Variants in WDR49 observed in about 807,000 individuals in gnomAD.
WDR49 encodes cilia- and flagella-associated protein 337.
WDR49 carries 107 observed loss-of-function variants against 119.5 expected under a neutral mutation model. That is an observed-to-expected ratio of 0.90 (90% CI 0.77 to 1.05). The LOEUF (loss-of-function observed/expected upper bound fraction) is 1.05. WDR49 is among the 50% of genes least tolerant of loss of function. WDR49 has a pLI of 0.00. For synonymous variants in WDR49, 425 were observed against 418.8 expected (o/e 1.01, Z -0.18); for missense variants, 1,240 against 1,220.5 (o/e 1.02, Z -0.24).
chr3:167,571,025 A>C (rs1278501151), intron 8 of WDR49, among the ~76,000 whole-genome samples: 1 of 105,900 alleles, frequency 9.4e-6, no homozygotes, highest in Non-Finnish European at 1.8e-5. Context: ...ACTCCATCTC[A>C]AAAAAAAAAA....
At chr3:167,548,921 C>A (rs1018544580) in intron 10 of WDR49, among the ~76,000 whole-genome samples, 6 of 152,040 alleles carry the variant, frequency 3.9e-5, no homozygotes, top group African/African-American at 9.7e-5. Flanking sequence ...CAATTCCCAC[C>A]TATGAGTGAG....
intron 8 of WDR49, among the ~76,000 whole-genome samples, chr3:167,563,225 G>A (rs970982816): frequency 6.6e-6 from 1 of 151,822 alleles, no homozygotes; most frequent in Admixed American, 6.6e-5. Flanking sequence ...GTGGTGGCGG[G>A]TGCCTGTAGT....
intron 16 of WDR49, among the ~76,000 whole-genome samples, chr3:167,520,799 C>T (rs1752408293): frequency 6.6e-6 from 1 of 151,982 alleles, no homozygotes; most frequent in Non-Finnish European, 1.5e-5. Flanking sequence ...AAGGTAGCTC[C>T]AAAACTGATC....
intron 15 of WDR49, among the ~76,000 whole-genome samples, chr3:167,526,881 C>G (rs1268609991): frequency 6.8e-6 from 1 of 146,518 alleles, no homozygotes; most frequent in African/African-American, 2.5e-5. Flanking sequence ...TAAATAGAAC[C>G]AAATCAGCTG....
In WDR49 at chr3:167,503,882, G is replaced by A. The variant is rs556773388; in HGVS notation, c.2884+1425C>T. ...GCTCGAATGCCTGGGTTTATATCCC[G>A]ATGCTTGTCCCTCCCGCTGTGCTCT... On this transcript the variant is annotated intron_variant, in intron 17 of 18. Transcript: ENST00000682715. Among the ~76,000 whole-genome samples, 14 of 152,364 alleles carry A rather than the reference G, an allele frequency of 9.2e-5. No homozygotes were observed. The South Asian group carries it at 1.2e-3, about 14-fold the overall frequency.
At position 167,617,448 on chromosome 3, in the gene WDR49, C is replaced by G. The variant is rs566088321; in HGVS notation, c.958+2981G>C. Among the ~76,000 whole-genome samples the G allele has an allele frequency of 5.3e-5, 8 of 152,276 alleles. No homozygotes were observed. The South Asian group carries it at 1.5e-3, about 28-fold the overall frequency. On this transcript the variant is annotated intron_variant, in intron 5 of 18. Coordinates refer to ENST00000682715, the MANE Select transcript of WDR49 (RefSeq NM_001366157.1). ...AGGCTGAGGCACAAGAATCGCTGAA[C>G]CTGGGAGGTAGATGTTGCAGTGAGC...
intron 18 of WDR49, among the ~76,000 whole-genome samples, chr3:167,484,689 C>CAA (rs11354730): frequency 7.5e-5 from 9 of 119,406 alleles, no homozygotes; most frequent in South Asian, 2.7e-4. Context: ...AGGATGATGG[C>CAA]AAAAAAAAAA....
rs201698456 is a variant in WDR49 at position 167,602,150 on chromosome 3, G to T, written c.1252C>A (p.Leu418Ile). 291 of 1,600,152 alleles carry T rather than the reference G, an allele frequency of 1.8e-4. No individual in the cohort carries two copies. The highest frequency in any genetic ancestry group is 2.2e-4 in the Non-Finnish European group (261 of 1,170,216). ...ACTTTATCCTTGGAGAAGCTGAAAA[G>T]TTGTTTTCTTTCCACAAAGAATTGG... The part of the protein sequence containing the change: ...AVQFFVERKQ[L>I]FSFSKDKVLR... Residue 418 changes from leucine (L) to isoleucine (I), a missense_variant, in exon 7 of 19, where the codon CTT becomes ATT. By Grantham distance (5) the Leu-to-Ile change is conservative (BLOSUM62 2). Coordinates refer to ENST00000682715, the MANE Select transcript of WDR49 (RefSeq NM_001366157.1).
intron 10 of WDR49, among the ~76,000 whole-genome samples, chr3:167,550,523 G>T (rs924829954): frequency 6.6e-6 from 1 of 151,888 alleles, no homozygotes; most frequent in African/African-American, 2.4e-5. Context: ...CTTTTAAGGA[G>T]ATAAAACCTT....
chr3:167,522,011 TAGATAGA>T (rs10537191), intron 16 of WDR49, among the ~76,000 whole-genome samples: 12,790 of 151,028 alleles, frequency 0.085, 635 homozygotes, highest in Non-Finnish European at 0.11. Context: ...GATAGATAGA[TAGATAGA>T]TTGTTTTTGA....
chr3:167,530,008 C>G (rs1326599203), intron 13 of WDR49, among the ~76,000 whole-genome samples: 1 of 151,964 alleles, frequency 6.6e-6, no homozygotes, highest in Non-Finnish European at 1.5e-5. Flanking sequence ...TGAGAACAAT[C>G]TGGGAATACT....
chr3:167,533,110 T>C, intron 11 of WDR49, 133 bp from the exon 12 acceptor site: 1 of 538,824 alleles, frequency 1.9e-6, no homozygotes, highest in Middle Eastern at 4.1e-4. Flanking sequence ...TCTATATTTT[T>C]AGAAACATGA....
chr3:167,524,554 C>T (rs1028805046), intron 15 of WDR49, among the ~76,000 whole-genome samples: 5 of 152,084 alleles, frequency 3.3e-5, no homozygotes, highest in Non-Finnish European at 5.9e-5. Context: ...ACATTTAAGT[C>T]TTTAATCCAT....
intron 2 of WDR49, among the ~76,000 whole-genome samples, chr3:167,648,301 C>T (rs1442482160): frequency 1.3e-5 from 2 of 152,110 alleles, no homozygotes; most frequent in African/African-American, 2.4e-5. Context: ...TTTTTACCTA[C>T]ACTGATTTCC....
chr3:167,558,634 T>A lies in WDR49; in HGVS notation c.1674+1430A>T, dbSNP rs560728130. ...TCATCCATGTCGCTATGTTTTCCTC[T>A]AAACATGGCTCTTACCAAGTCCACC... is the stretch of plus-strand genomic sequence containing the variant. On this transcript the variant is annotated intron_variant, in intron 9 of 18. Transcript: ENST00000682715. Among the ~76,000 whole-genome samples the A allele has an allele frequency of 3.3e-5, 5 of 152,342 alleles. No individual in the cohort carries two copies. In the South Asian group the frequency reaches 8.3e-4, roughly 25 times the overall value.
Position 167,602,237 on chromosome 3 carries a change from G to A in WDR49, c.1165C>T (p.Pro389Ser), listed in dbSNP as rs1336143503. 2 of 1,594,132 alleles carry A rather than the reference G, an allele frequency of 1.3e-6. No individual in the cohort carries two copies. The highest frequency in any genetic ancestry group is 2.3e-5 in the South Asian group (2 of 88,878). ...CCCACTGGTTTAGAGACAACATAGG[G>A]ATTCCAAAGGCAAACTTTATTGTTA... is the stretch of plus-strand genomic sequence containing the variant. ...GINNKVCLWN[P>S]YVVSKPVGVL... is the part of the protein sequence containing the mutation. Residue 389 changes from proline to serine, a missense_variant, in exon 7 of 19, where the codon CCC becomes TCC. Physicochemically the swap from Pro to Ser is moderately conservative, Grantham distance 74. Transcript: ENST00000682715.
At chr3:167,545,633 G>A (rs1220608074) in intron 10 of WDR49, among the ~76,000 whole-genome samples, 1 of 149,784 alleles carries the variant, frequency 6.7e-6, no homozygotes, top group African/African-American at 2.4e-5. Flanking sequence ...AACATTGTAT[G>A]TTCTCACTTA....
intron 10 of WDR49, among the ~76,000 whole-genome samples, chr3:167,549,069 C>T (rs999530738): frequency 1.9e-4 from 29 of 152,260 alleles, no homozygotes; most frequent in East Asian, 9.6e-4. Context: ...ATATGTGCCA[C>T]ATTTTCTTAA....
At chr3:167,484,025 T>C (rs938903102) in intron 18 of WDR49, among the ~76,000 whole-genome samples, 10 of 152,234 alleles carry the variant, frequency 6.6e-5, no homozygotes, top group African/African-American at 2.2e-4. Flanking sequence ...TAGATCATAA[T>C]ACATGTAAGA....
Sources: allele counts gnomAD v4.1 joint callset (sites outside exome capture counted in the v4.1 genomes callset), GRCh38; gene constraint gnomAD v4.1.1; transcripts MANE v1.5; gene names NCBI Gene and HGNC (gene_info 2026-07-23, HGNC 2026-07-21).